Variants in CADM2 observed in about 807,000 individuals in gnomAD.
The protein encoded by CADM2 is immunoglobulin superfamily member 4D.
CADM2 carries 12 observed loss-of-function variants against 49.8 expected under a neutral mutation model. The observed-to-expected ratio is 0.24, with a 90% CI of 0.15 to 0.39. The LOEUF (loss-of-function observed/expected upper bound fraction) is 0.39, where lower values mean the gene tolerates loss of function less well. Among genes scored for constraint, CADM2 ranks in the 10% least tolerant of loss-of-function variants. The probability of loss-of-function intolerance (pLI) is 1.00; values close to 1 mark genes in which losing one functional copy is unlikely to be tolerated. For missense variants in CADM2, 378 were observed against 492.3 expected (o/e 0.77, Z 2.20); for synonymous variants, 214 against 175.4 (o/e 1.22, Z -1.74).
chr3:85,174,526 A>C (rs892607180), intron 1 of CADM2, among the ~76,000 whole-genome samples: 2 of 150,720 alleles, frequency 1.3e-5, no homozygotes, highest in Admixed American at 6.6e-5. Context: ...AAATATATAT[A>C]TATACACATA....
intron 1 of CADM2, among the ~76,000 whole-genome samples, chr3:85,703,528 C>T (rs1422554403): frequency 6.6e-6 from 1 of 151,940 alleles, no homozygotes; most frequent in African/African-American, 2.4e-5. Context: ...AGGATCATAA[C>T]CGTAGAGTGG....
chr3:85,009,781 A>T (rs9877460), intron 1 of CADM2, among the ~76,000 whole-genome samples: 1 of 151,570 alleles, frequency 6.6e-6, no homozygotes, highest in Non-Finnish European at 1.5e-5. Context: ...CAGGAGAATC[A>T]CTTGAACCCC....
intron 1 of CADM2, among the ~76,000 whole-genome samples, chr3:85,321,553 G>T (rs993656421): frequency 3.9e-5 from 6 of 151,904 alleles, no homozygotes; most frequent in Non-Finnish European, 5.9e-5. Context: ...ATGTTTTAAA[G>T]AATTATATGA....
intron 2 of CADM2, among the ~76,000 whole-genome samples, chr3:85,749,131 A>T (rs1025280471): frequency 6.6e-6 from 1 of 151,826 alleles, no homozygotes; most frequent in African/African-American, 2.4e-5. Context: ...GTAAACAGAA[A>T]ATGTCAGAAC....
At chr3:85,617,193 C>A (rs999863708) in intron 1 of CADM2, among the ~76,000 whole-genome samples, 4 of 152,232 alleles carry the variant, frequency 2.6e-5, no homozygotes, top group Admixed American at 6.5e-5. Context: ...CTCCCCACCC[C>A]TTCCGACAGC....
chr3:85,367,506 G>A (rs2032871630), intron 1 of CADM2, among the ~76,000 whole-genome samples: 1 of 151,634 alleles, frequency 6.6e-6, no homozygotes, highest in Non-Finnish European at 1.5e-5. Flanking sequence ...TGGTGACCAT[G>A]TGTATTTCCC....
In CADM2 at chr3:86,071,337, T is replaced by A. The variant is rs188111563; in HGVS notation, c.*4554T>A. The A allele has an allele frequency of 7.3e-4, 111 of 151,944 alleles. No individual in the cohort carries two copies. Among genetic ancestry groups the A allele is most frequent in the African/African-American group, 2.7e-3 (111 of 41,532 alleles). 9.4% of individuals were successfully genotyped at this position (151,944 alleles called of 1,614,324 possible). On this transcript the variant is annotated 3_prime_UTR_variant, in exon 10 of 10. Transcript: ENST00000383699. The stretch of plus-strand genomic sequence containing the variant: ...TTTTTCTATTCATTTTTTCCCTTTC[T>A]CTCTCTATTCTACCCCCAAACAAGC...
At chr3:86,001,142 A>G (rs1730146483) in intron 8 of CADM2, among the ~76,000 whole-genome samples, 2 of 152,184 alleles carry the variant, frequency 1.3e-5, no homozygotes, top group Admixed American at 1.3e-4. Flanking sequence ...ACAAGCTTCC[A>G]GCCAACCAAA....
chr3:85,043,048 G>A (rs1421983553), intron 1 of CADM2, among the ~76,000 whole-genome samples: 1 of 152,134 alleles, frequency 6.6e-6, no homozygotes, highest in Non-Finnish European at 1.5e-5. Flanking sequence ...TTGAGCTAGG[G>A]GTAGTAAATC....
At chr3:85,183,165 G>A (rs1414430680) in intron 1 of CADM2, among the ~76,000 whole-genome samples, 2 of 152,090 alleles carry the variant, frequency 1.3e-5, no homozygotes, top group Non-Finnish European at 2.9e-5. Flanking sequence ...TGTTAAAGTA[G>A]GATTAAGGCA....
At chr3:85,845,155 C>CA (rs71112121) in intron 3 of CADM2, among the ~76,000 whole-genome samples, 1,546 of 88,026 alleles carry the variant, frequency 0.018, 20 homozygotes, top group East Asian at 0.078. Context: ...GACTTAGTCA[C>CA]AAAAAAAAAA....
chr3:85,518,422 CT>C (rs35500944), intron 1 of CADM2, among the ~76,000 whole-genome samples: 1,805 of 142,142 alleles, frequency 0.013, 15 homozygotes, highest in Middle Eastern at 0.029. Flanking sequence ...ACAATCTAGG[CT>C]TTTTTTTTTT....
intron 1 of CADM2, among the ~76,000 whole-genome samples, chr3:85,553,054 T>G (rs1295056953): frequency 6.6e-6 from 1 of 152,148 alleles, no homozygotes; most frequent in African/African-American, 2.4e-5. Flanking sequence ...TTTTTAAAAT[T>G]TAATTTATTA....
At chr3:85,753,002 A>G (rs910498165) in intron 2 of CADM2, among the ~76,000 whole-genome samples, 1 of 152,120 alleles carries the variant, frequency 6.6e-6, no homozygotes, top group Non-Finnish European at 1.5e-5. Flanking sequence ...TACAAATAGA[A>G]AATGTTCACA....
intron 1 of CADM2, among the ~76,000 whole-genome samples, chr3:85,423,533 G>C (rs747510674): frequency 6.6e-6 from 1 of 152,104 alleles, no homozygotes; most frequent in African/African-American, 2.4e-5. Context: ...TAATAATCTA[G>C]ATTCACCTCT....
intron 1 of CADM2, among the ~76,000 whole-genome samples, chr3:85,067,928 A>C (rs937697495): frequency 8.5e-5 from 13 of 152,166 alleles, no homozygotes; most frequent in Non-Finnish European, 1.8e-4. Flanking sequence ...AACCATTTAT[A>C]CCACCAAATG....
At position 85,468,166 on chromosome 3, in the gene CADM2, A is replaced by C. The variant is rs1054339082; in HGVS notation, c.62-258356A>C. ...GAGACTCCGTCTCAAAAAAAAAAAA[A>C]AAAAAAAAAAAAAAACATTGAGGCA... On this transcript the variant is annotated intron_variant, in intron 1 of 9. Transcript: ENST00000383699. 2.6e-5 allele frequency among the ~76,000 whole-genome samples: 4 copies of C among 151,312 alleles called. No individual in the cohort carries two copies. In the South Asian group the frequency reaches 8.3e-4, roughly 31 times the overall value.
intron 3 of CADM2, among the ~76,000 whole-genome samples, chr3:85,854,150 A>G (rs1466900970): frequency 6.6e-6 from 1 of 152,182 alleles, no homozygotes; most frequent in Non-Finnish European, 1.5e-5. Context: ...TTGCTTATTT[A>G]TCCTGGCCAT....
At chr3:85,432,129 A>G (rs1232268050) in intron 1 of CADM2, among the ~76,000 whole-genome samples, 1 of 151,712 alleles carries the variant, frequency 6.6e-6, no homozygotes, top group African/African-American at 2.4e-5. Context: ...AAGACTGTGA[A>G]TTTGAAGAAC....
Sources: allele counts gnomAD v4.1 joint callset (sites outside exome capture counted in the v4.1 genomes callset), GRCh38; gene constraint gnomAD v4.1.1; transcripts MANE v1.5; gene names NCBI Gene and HGNC (gene_info 2026-07-23, HGNC 2026-07-21).